The following COL4A6 variants were observed in gnomAD, a reference collection of about 807,000 sequenced individuals.
The protein encoded by COL4A6 is collagen type IV alpha 6 chain, also known as collagen alpha-6(IV) chain.
Under a neutral mutation model 126.7 loss-of-function variants are expected in COL4A6, and 59 were observed. The observed-to-expected ratio is 0.47, with a 90% CI of 0.38 to 0.58. The LOEUF (loss-of-function observed/expected upper bound fraction) is 0.58, where lower values mean the gene tolerates loss of function less well. Ranked by LOEUF, COL4A6 falls within the 20% of genes least tolerant of loss-of-function variation. The probability of loss-of-function intolerance (pLI) is 0.00; values close to 1 mark genes in which losing one functional copy is unlikely to be tolerated. For missense variants in COL4A6, 1,285 were observed against 1,337.3 expected (o/e 0.96, Z 0.61); for synonymous variants, 547 against 496.6 (o/e 1.10, Z -1.35).
intron 2 of COL4A6, among the ~76,000 whole-genome samples, chrX:108,394,376 T>C (rs1317309338): frequency 4.5e-5 from 5 of 110,637 alleles, no homozygotes; most frequent in Admixed American, 9.7e-5. Context: ...TATACCTATG[T>C]AATAAACCTG....
intron 3 of COL4A6, among the ~76,000 whole-genome samples, chrX:108,307,465 T>C (rs1390695672): frequency 2.7e-5 from 3 of 112,169 alleles, no homozygotes; most frequent in Non-Finnish European, 5.6e-5. Flanking sequence ...GAGAAATCTG[T>C]TTGAGATAGC....
chrX:108,249,851 T>C (rs2036808952), intron 3 of COL4A6, among the ~76,000 whole-genome samples: 1 of 111,807 alleles, frequency 8.9e-6, no homozygotes, highest in Admixed American at 9.5e-5. Context: ...TTCCACAACA[T>C]CCACTTCCTC....
intron 23 of COL4A6, among the ~76,000 whole-genome samples, chrX:108,181,466 C>T (rs1440076159): frequency 8.9e-6 from 1 of 111,937 alleles, no homozygotes; most frequent in Non-Finnish European, 1.9e-5. Context: ...TTCCCCAAAC[C>T]ACTGGGTTCT....
chrX:108,342,039 A>G (rs1603122441), intron 2 of COL4A6, among the ~76,000 whole-genome samples: 1 of 112,241 alleles, frequency 8.9e-6, no homozygotes, highest in East Asian at 2.8e-4. Context: ...GTGGATTTTC[A>G]GAAGGAAGTT....
chrX:108,176,694 T>C, intron 28 of COL4A6, 147 bp downstream of exon 28: 1 of 642,103 alleles, frequency 1.6e-6, no homozygotes, highest in Admixed American at 3.2e-5. Context: ...CCTTTAGCAC[T>C]AGCCTTGTCC....
chrX:108,373,779 T>C (rs1194414858), intron 2 of COL4A6, among the ~76,000 whole-genome samples: 1 of 112,080 alleles, frequency 8.9e-6, no homozygotes, highest in Non-Finnish European at 1.9e-5. Flanking sequence ...TCTTCACACA[T>C]ATGCATAATG....
Position 108,205,229 on chromosome X carries a change from T to A in COL4A6, c.687+210A>T, listed in dbSNP as rs55822245. On this transcript the variant is annotated intron_variant, in intron 11 of 44. Transcript: ENST00000334504. ...GTAGGAAGCAGGGAAATAACAATAT[T>A]TTGAAGGGAAAAGAACCACAATAGC... 8.5e-3 allele frequency among the ~76,000 whole-genome samples: 945 copies of A among 111,167 alleles called. 6 individuals carry two copies. The highest frequency in any genetic ancestry group is 0.014 in the Middle Eastern group (3 of 218).
intron 2 of COL4A6, among the ~76,000 whole-genome samples, chrX:108,388,694 G>A (rs2040759778): frequency 9.0e-6 from 1 of 111,040 alleles, no homozygotes; most frequent in South Asian, 3.8e-4. Flanking sequence ...TTTTTGAAGG[G>A]TTTTTCGTGT....
intron 2 of COL4A6, among the ~76,000 whole-genome samples, chrX:108,327,490 G>C (rs188192691): frequency 9.4e-6 from 1 of 106,110 alleles, no homozygotes; most frequent in Admixed American, 1.0e-4. Context: ...TCATGAATGA[G>C]TATCAAAATA....
Position 108,172,512 on chromosome X carries a change from C to A in COL4A6, c.3159G>T (p.Gly1053=), listed in dbSNP as rs1454859480. Residue 1053 remains glycine (G), a synonymous_variant, in exon 32 of 45, where the codon GGG becomes GGT. Coordinates refer to ENST00000334504, the MANE Select transcript of COL4A6 (RefSeq NM_033641.4). Reference sequence around the variant, plus strand: ...CAGATGCTCCTGGGAGTCCAGGCGACCCTCTGATACCTTGTGAACCCTTCG... The same window carrying A: ...CAGATGCTCCTGGGAGTCCAGGCGAACCTCTGATACCTTGTGAACCCTTCG... ...PGESGSQGIR[G]SPGLPGASGL... is the part of the protein sequence containing the mutation. 1.7e-6 allele frequency: 2 copies of A among 1,206,620 alleles called. No homozygotes were observed. Among genetic ancestry groups the A allele is most frequent in the Non-Finnish European group, 2.2e-6 (2 of 892,561 alleles).
At chrX:108,283,779 A>C (rs187905132) in intron 3 of COL4A6, among the ~76,000 whole-genome samples, 1 of 111,541 alleles carries the variant, frequency 9.0e-6, no homozygotes, top group Admixed American at 9.6e-5. Context: ...AGGCATACAA[A>C]GTGACAAGAA....
chrX:108,200,595 G>A (rs1394553270), intron 13 of COL4A6, among the ~76,000 whole-genome samples: 1 of 111,936 alleles, frequency 8.9e-6, no homozygotes, highest in East Asian at 2.8e-4. Flanking sequence ...GGCTGGAAAT[G>A]GTGTGAGTGT....
chrX:108,230,505 G>A (rs1399053209), intron 3 of COL4A6, among the ~76,000 whole-genome samples: 1 of 111,582 alleles, frequency 9.0e-6, no homozygotes, highest in Non-Finnish European at 1.9e-5. Context: ...CTTTACAACT[G>A]AAATTCTCAT....
At chrX:108,344,180 C>T (rs979948278) in intron 2 of COL4A6, among the ~76,000 whole-genome samples, 2 of 110,901 alleles carry the variant, frequency 1.8e-5, no homozygotes, top group Admixed American at 1.9e-4. Context: ...ATCAGCCCCT[C>T]GAAACACCCC....
At chrX:108,271,970 C>G (rs1245626520) in intron 3 of COL4A6, among the ~76,000 whole-genome samples, 1 of 112,011 alleles carries the variant, frequency 8.9e-6, no homozygotes, top group Non-Finnish European at 1.9e-5. Flanking sequence ...GCTAATTAAC[C>G]AGTTTACCCT....
chrX:108,224,072 C>T (rs2036094898), intron 3 of COL4A6, among the ~76,000 whole-genome samples: 2 of 112,188 alleles, frequency 1.8e-5, no homozygotes, highest in South Asian at 7.6e-4. Context: ...CAGCACCCAG[C>T]ATAGGCACAG....
chrX:108,423,360 T>A (rs1178260945), intron 2 of COL4A6, among the ~76,000 whole-genome samples: 1 of 112,034 alleles, frequency 8.9e-6, no homozygotes, highest in Non-Finnish European at 1.9e-5. Flanking sequence ...AAGATTTAAT[T>A]AACACTTGCT....
At chrX:108,253,730 T>C (rs1199844483) in intron 3 of COL4A6, among the ~76,000 whole-genome samples, 1 of 111,210 alleles carries the variant, frequency 9.0e-6, no homozygotes, top group Non-Finnish European at 1.9e-5. Flanking sequence ...CCCAGTGGAG[T>C]CCAGGACAGG....
chrX:108,426,920 T>G (rs1331634496), intron 2 of COL4A6, among the ~76,000 whole-genome samples: 1 of 111,821 alleles, frequency 8.9e-6, no homozygotes, highest in Non-Finnish European at 1.9e-5. Context: ...AATCAGGAAA[T>G]GGACATCCAG....
Sources: gnomAD v4.1 joint callset for allele counts (sites outside exome capture counted in the v4.1 genomes callset) on GRCh38, gnomAD v4.1.1 for gene constraint, MANE v1.5 for transcripts, NCBI Gene and HGNC (gene_info 2026-07-23, HGNC 2026-07-21) for gene names.